ATP10B: variants seen among roughly 807,000 people sequenced by gnomAD.
The protein encoded by ATP10B is ATPase phospholipid transporting 10B (putative), also known as phospholipid-transporting ATPase VB.
ATP10B carries 122 observed loss-of-function variants against 141.2 expected under a neutral mutation model. The observed-to-expected ratio is 0.86, with a 90% CI of 0.75 to 1.00. The LOEUF is 1.00. ATP10B is among the 50% of genes least tolerant of loss of function. The probability of loss-of-function intolerance (pLI) is 0.00; values close to 1 mark genes in which losing one functional copy is unlikely to be tolerated. For synonymous variants in ATP10B, 685 were observed against 692.0 expected (o/e 0.99, Z 0.16); for missense variants, 1,876 against 1,825.3 (o/e 1.03, Z -0.51).
At chr5:160,913,299 T>C in the ATP10B span, among the ~76,000 whole-genome samples, 2 of 152,252 alleles carry the variant, frequency 1.3e-5, no homozygotes, top group South Asian at 2.1e-4. Flanking sequence ...CTTCTAAAAA[T>C]CCCAGAAGCT....
chr5:160,634,330 T>A, intron 12 of ATP10B, 24 bp downstream of exon 12: 3 of 1,614,158 alleles, frequency 1.9e-6, no homozygotes, highest in Non-Finnish European at 2.5e-6. Context: ...GAAAGAGGGA[T>A]GGAGCCCTTG....
At chr5:160,698,309 A>AT (rs1463999748) in intron 3 of ATP10B, among the ~76,000 whole-genome samples, 1 of 151,786 alleles carries the variant, frequency 6.6e-6, no homozygotes, top group African/African-American at 2.4e-5. Flanking sequence ...AGTTTTATCC[A>AT]TTTTTTCCCT....
the ATP10B span, among the ~76,000 whole-genome samples, chr5:160,918,897 A>G: frequency 9.9e-5 from 15 of 152,268 alleles, 1 homozygote; most frequent in South Asian, 2.9e-3. Context: ...ATAGGCAGCT[A>G]CCAGCATTTT....
chr5:160,817,677 G>A (rs950483622), intron 1 of ATP10B, among the ~76,000 whole-genome samples: 12 of 152,130 alleles, frequency 7.9e-5, no homozygotes, highest in African/African-American at 2.9e-4. Flanking sequence ...CCAAAAAAGA[G>A]CCCGCATTGC....
chr5:160,729,831 G>T (rs947571879), intron 2 of ATP10B, among the ~76,000 whole-genome samples: 1 of 152,092 alleles, frequency 6.6e-6, no homozygotes, highest in Non-Finnish European at 1.5e-5. Flanking sequence ...AGAGTGAGAA[G>T]TAAGGCTGAA....
At chr5:160,805,855 A>G (rs558722696) in intron 1 of ATP10B, among the ~76,000 whole-genome samples, 80 of 152,302 alleles carry the variant, frequency 5.3e-4, no homozygotes, top group African/African-American at 1.9e-3. Flanking sequence ...TATATTTACT[A>G]TAAGGAATCG....
chr5:160,631,433 G>A (rs915651927), intron 13 of ATP10B, among the ~76,000 whole-genome samples: 9 of 152,206 alleles, frequency 5.9e-5, no homozygotes, highest in Non-Finnish European at 1.3e-4. Context: ...AGGACAATAC[G>A]CAGAAAGCCC....
intron 1 of ATP10B, among the ~76,000 whole-genome samples, chr5:160,805,745 A>G (rs567357508): frequency 3.9e-4 from 60 of 152,220 alleles, no homozygotes; most frequent in Middle Eastern, 3.4e-3. Flanking sequence ...ACTGCTGTTT[A>G]TGTGTGTGAG....
intron 7 of ATP10B, among the ~76,000 whole-genome samples, chr5:160,667,054 T>A (rs1762362936): frequency 6.6e-6 from 1 of 151,818 alleles, no homozygotes; most frequent in African/African-American, 2.4e-5. Flanking sequence ...TCGTCTCTAC[T>A]AAAAATACAA....
At position 160,612,872 on chromosome 5, in the gene ATP10B, TG is replaced by T. The variant is rs765217969; in HGVS notation, c.2706del (p.Thr903LeufsTer12). ...AGCTGGATCCCAGCCTCCCGCAGAG[TG>T]GCAATCGTATCTGGAACTCCTTCCT... ...RLQEGVPDTI[A>X]TLREAGIQLW... On this transcript the variant is annotated frameshift_variant, in exon 18 of 26. Transcript: ENST00000327245. LOFTEE classifies it high-confidence loss of function. 6 of 1,613,900 alleles carry T rather than the reference TG, an allele frequency of 3.7e-6. No homozygotes were observed. In the South Asian group the frequency reaches 6.6e-5, roughly 18 times the overall value.
At chr5:160,838,921 A>T (rs1188287365) in intron 1 of ATP10B, among the ~76,000 whole-genome samples, 5 of 152,018 alleles carry the variant, frequency 3.3e-5, no homozygotes, top group Admixed American at 3.3e-4. Flanking sequence ...AGTTAACATG[A>T]TATCTGGTTA....
At chr5:160,787,787 T>G (rs1417975381) in intron 1 of ATP10B, among the ~76,000 whole-genome samples, 1 of 152,150 alleles carries the variant, frequency 6.6e-6, no homozygotes, top group African/African-American at 2.4e-5. Flanking sequence ...TGACCTTGGT[T>G]TCCCTGTCTA....
intron 24 of ATP10B, among the ~76,000 whole-genome samples, chr5:160,588,117 G>C (rs1561629553): frequency 6.6e-6 from 1 of 152,250 alleles, no homozygotes; most frequent in East Asian, 1.9e-4. Flanking sequence ...CAAAGCACTA[G>C]GATTACAGGT....
intron 1 of ATP10B, among the ~76,000 whole-genome samples, chr5:160,836,012 C>T (rs998233330): frequency 1.3e-5 from 2 of 152,060 alleles, no homozygotes; most frequent in African/African-American, 4.8e-5. Flanking sequence ...AACTCAAATA[C>T]CACATGTTCT....
At chr5:160,577,388 C>CT (rs2127598574) in intron 24 of ATP10B, among the ~76,000 whole-genome samples, 1 of 152,216 alleles carries the variant, frequency 6.6e-6, no homozygotes, top group South Asian at 2.1e-4. Context: ...CCTCATGACT[C>CT]TATCTTATTG....
rs748176735 is a variant in ATP10B, at chr5:160,676,022, C to A, written c.471-5355G>T. ...GAGGTTCTAAGTCAGCAGATTGGAG[C>A]TGAATGGCATGGTCACTGGGACGTT... is the stretch of plus-strand genomic sequence containing the variant. On this transcript the variant is annotated intron_variant, in intron 6 of 25. Transcript: ENST00000327245. Among the ~76,000 whole-genome samples the A allele has an allele frequency of 1.9e-4, 29 of 152,154 alleles. 1 individual carries two copies. The highest frequency in any genetic ancestry group is 3.5e-4 in the Non-Finnish European group (24 of 68,028).
intron 1 of ATP10B, among the ~76,000 whole-genome samples, chr5:160,807,073 GA>G (rs1277031252): frequency 6.6e-6 from 1 of 152,186 alleles, no homozygotes; most frequent in African/African-American, 2.4e-5. Flanking sequence ...AACCATGGTA[GA>G]AAACGATACA....
chr5:160,705,588 CCT>C (rs1316617365), intron 3 of ATP10B, among the ~76,000 whole-genome samples: 2 of 152,104 alleles, frequency 1.3e-5, no homozygotes, highest in African/African-American at 2.4e-5. Flanking sequence ...AGCTTTCTCA[CCT>C]CTCTCTGTCT....
rs377241198 is a variant in ATP10B at position 160,620,714 on chromosome 5, G to T, written c.2049C>A (p.Ser683Arg). The change falls in exon 15 of 26, where the codon AGC (serine) becomes AGA (arginine). Residue 683 changes from serine to arginine, a missense_variant. Ser to Arg is a moderately radical substitution (Grantham distance 110). Coordinates refer to ENST00000327245, the MANE Select transcript of ATP10B (RefSeq NM_025153.3). ...DSTDDGGYRS[S>R]MWDQGDILES... The stretch of plus-strand genomic sequence containing the variant: ...CCAGGATGTCGCCCTGGTCCCACAT[G>T]CTGCTCCTGTAGCCACCGTCATCAG... 21 of 1,614,088 alleles carry T rather than the reference G, an allele frequency of 1.3e-5. No homozygotes were observed. Among genetic ancestry groups the T allele is most frequent in the Non-Finnish European group, 1.7e-5 (20 of 1,180,034 alleles).
Sources: allele counts gnomAD v4.1 joint callset (sites outside exome capture counted in the v4.1 genomes callset), GRCh38; gene constraint gnomAD v4.1.1; transcripts MANE v1.5; gene names NCBI Gene and HGNC (gene_info 2026-07-23, HGNC 2026-07-21).